DNAH7: variants seen among roughly 807,000 people sequenced by gnomAD.
DNAH7 encodes the protein dynein axonemal heavy chain 7.
A neutral mutation model predicts 444.6 loss-of-function variants in DNAH7; 397 were observed. The ratio of observed to expected loss-of-function variants is 0.89; its 90% CI spans 0.82 to 0.97. DNAH7 has a LOEUF of 0.97. Among genes scored for constraint, DNAH7 ranks in the 50% least tolerant of loss-of-function variants. DNAH7 has a pLI of 0.00. For synonymous variants in DNAH7, 1,636 were observed against 1,624.4 expected (o/e 1.01, Z -0.17); for missense variants, 4,902 against 4,800.8 (o/e 1.02, Z -0.62).
rs760656496 is a variant in DNAH7, at chr2:196,058,106, G to A, written c.26C>T (p.Ala9Val). 6.3e-7 allele frequency: 1 copy of A among 1,586,690 alleles called. No individual in the cohort carries two copies. Among genetic ancestry groups the A allele is most frequent in the Non-Finnish European group, 8.6e-7 (1 of 1,166,644 alleles). Residue 9 changes from alanine to valine, a missense_variant, in exon 2 of 65, where the codon GCC becomes GTC. Transcript: ENST00000312428. ...TGGTTTCTTGGATTTTTCTTTGCTG[G>A]CCGATTTATCCTGTATGAAAAACAT... MSSEQDKS[A>V]SKEKSKKPVR...
At chr2:196,068,348 C>G (rs1698542873) in intron 1 of DNAH7, 1 of 354,400 alleles carries the variant, frequency 2.8e-6, no homozygotes. Flanking sequence ...GCTTCGATTC[C>G]CACCTTAGAA....
At chr2:195,771,333 C>T (rs1345945679) in intron 61 of DNAH7, among the ~76,000 whole-genome samples, 1 of 151,626 alleles carries the variant, frequency 6.6e-6, no homozygotes, top group African/African-American at 2.4e-5. Flanking sequence ...GAGTGAGACC[C>T]CATCTCTAAA....
At position 195,836,273 on chromosome 2, in the gene DNAH7, T is replaced by C. The variant is rs1348522467; in HGVS notation, c.8946-1913A>G. Among the ~76,000 whole-genome samples the C allele has an allele frequency of 3.9e-5, 6 of 152,216 alleles. No homozygotes were observed. In the East Asian group the frequency reaches 1.2e-3, roughly 29 times the overall value. ...GGCTTACGCTTCTAATCCCAGTGCT[T>C]TGGGAGGCTGAGGTGGACAGATCAC... On this transcript the variant is annotated intron_variant, in intron 47 of 64. Coordinates refer to ENST00000312428, the MANE Select transcript of DNAH7 (RefSeq NM_018897.3).
At chr2:195,817,889 T>A in intron 49 of DNAH7, 60 bp from the exon 50 acceptor site, 1 of 1,347,136 alleles carries the variant, frequency 7.4e-7, no homozygotes, top group Non-Finnish European at 1.0e-6. Flanking sequence ...GTCTCTGCTT[T>A]TATGTGTCAA....
rs146233653 is a variant in DNAH7 at position 196,018,885 on chromosome 2, T to C, written c.869+285A>G. On this transcript the variant is annotated intron_variant, in intron 9 of 64. Transcript: ENST00000312428. ...GATGGACACCAAACTTTCCATGGTG[T>C]GATTATTAATCATTGCATGCCTCTA... Among the ~76,000 whole-genome samples, 474 of 152,258 alleles carry C rather than the reference T, an allele frequency of 3.1e-3. 3 individuals carry two copies. The highest frequency in any genetic ancestry group is 0.011 in the African/African-American group (455 of 41,578).
At chr2:195,756,065 A>T (rs1694055102) in intron 62 of DNAH7, 68 bp downstream of exon 62, 1 of 1,488,106 alleles carries the variant, frequency 6.7e-7, no homozygotes, top group Non-Finnish European at 9.1e-7. Flanking sequence ...TCATTACATT[A>T]AGCATTCTGA....
At chr2:195,852,069 T>A (rs985035444) in intron 46 of DNAH7, among the ~76,000 whole-genome samples, 1 of 151,990 alleles carries the variant, frequency 6.6e-6, no homozygotes, top group Non-Finnish European at 1.5e-5. Flanking sequence ...CCATCCTGGC[T>A]AACATGGTGA....
In DNAH7 at chr2:195,875,685, C is replaced by A; in HGVS notation, c.6276G>T (p.Met2092Ile). 6.3e-7 allele frequency: 1 copy of A among 1,584,438 alleles called. No homozygotes were observed. Among genetic ancestry groups the A allele is most frequent in the Non-Finnish European group, 8.6e-7 (1 of 1,166,418 alleles). Residue 2092 changes from methionine to isoleucine, a missense_variant, in exon 38 of 65, where the codon ATG (methionine) becomes ATT (isoleucine). Transcript: ENST00000312428. Reference sequence around the variant, plus strand: ...ACTCAAAAAATGTACCTGGAGGTCCCATAGCACACATGATCTGAATGTCCA... The same window carrying A: ...ACTCAAAAAATGTACCTGGAGGTCCAATAGCACACATGATCTGAATGTCCA... Reference protein sequence around the residue: ...KLVDIQIMCAMGPPGGGRNPV... With the variant: ...KLVDIQIMCAIGPPGGGRNPV...
At chr2:195,783,613 T>C (rs550551038) in intron 58 of DNAH7, among the ~76,000 whole-genome samples, 3 of 152,160 alleles carry the variant, frequency 2.0e-5, no homozygotes, top group South Asian at 4.1e-4. Flanking sequence ...CATTTTAACT[T>C]AACTAGTTAC....
intron 51 of DNAH7, among the ~76,000 whole-genome samples, chr2:195,810,374 C>T (rs1045011431): frequency 2.0e-5 from 3 of 151,942 alleles, no homozygotes; most frequent in South Asian, 2.1e-4. Context: ...AGGCAAAACA[C>T]GAAAATAGGA....
Position 195,809,883 on chromosome 2 carries a change from C to A in DNAH7, c.9762-12G>T. ...TGAGAATCTGAAGCCTAAGGGTCAA[C>A]AGAAAATAAAGGAAATAAATAAAAA... On this transcript the variant is annotated splice_polypyrimidine_tract_variant and intron_variant, in intron 51 of 64. Coordinates refer to ENST00000312428, the MANE Select transcript of DNAH7 (RefSeq NM_018897.3). The A allele has an allele frequency of 2.7e-6, 4 of 1,497,504 alleles. No individual in the cohort carries two copies. The highest frequency in any genetic ancestry group is 2.9e-5 in the South Asian group (2 of 70,064). The allele number at this position is 1,497,504 out of a possible 1,614,324, so 92.8% of individuals were successfully genotyped here.
intron 40 of DNAH7, among the ~76,000 whole-genome samples, chr2:195,869,082 T>A (rs1372428498): frequency 6.6e-6 from 1 of 151,828 alleles, no homozygotes; most frequent in Non-Finnish European, 1.5e-5. Flanking sequence ...ACAGACTATT[T>A]GAATGGTGAG....
At chr2:196,034,621 T>C (rs6761877) in intron 5 of DNAH7, among the ~76,000 whole-genome samples, 8,556 of 152,248 alleles carry the variant, frequency 0.056, 388 homozygotes, top group African/African-American at 0.13. Flanking sequence ...AACTATCTAA[T>C]TTCAAAACTT....
At position 196,000,123 on chromosome 2, in the gene DNAH7, C is replaced by A. The variant is rs551798239; in HGVS notation, c.1353+581G>T. 2.6e-5 allele frequency among the ~76,000 whole-genome samples: 4 copies of A among 152,254 alleles called. No individual in the cohort carries two copies. In the East Asian group the frequency reaches 7.7e-4, roughly 29 times the overall value. On this transcript the variant is annotated intron_variant, in intron 12 of 64. Transcript: ENST00000312428. ...CTAGTTTCCTGCACTCTTCTGTATA[C>A]AGCAAATATGTATAAGTTATTTTAA...
intron 20 of DNAH7, among the ~76,000 whole-genome samples, chr2:195,935,899 T>C (rs1402350060): frequency 6.6e-6 from 1 of 151,934 alleles, no homozygotes; most frequent in East Asian, 1.9e-4. Flanking sequence ...ACCGGGGAAT[T>C]GCAAAAAGGT....
intron 63 of DNAH7, among the ~76,000 whole-genome samples, chr2:195,745,998 A>C (rs1693377833): frequency 6.6e-6 from 1 of 152,244 alleles, no homozygotes; most frequent in South Asian, 2.1e-4. Flanking sequence ...CACACATAAC[A>C]ATATTAACTT....
intron 5 of DNAH7, among the ~76,000 whole-genome samples, chr2:196,028,352 A>G (rs1290630613): frequency 1.3e-5 from 2 of 152,168 alleles, no homozygotes; most frequent in Non-Finnish European, 2.9e-5. Flanking sequence ...CTGAAATTAT[A>G]AAGGAACACT....
intron 9 of DNAH7, among the ~76,000 whole-genome samples, chr2:196,015,352 T>C (rs1694952493): frequency 6.6e-6 from 1 of 152,194 alleles, no homozygotes; most frequent in South Asian, 2.1e-4. Context: ...AAATCAATTA[T>C]AGTGTTCTTA....
chr2:195,962,641 T>G (rs1201393491), intron 17 of DNAH7, among the ~76,000 whole-genome samples: 1 of 152,212 alleles, frequency 6.6e-6, no homozygotes, highest in Non-Finnish European at 1.5e-5. Context: ...TGAGCCACTG[T>G]GCCTGGCCCT....
Sources: gnomAD v4.1 joint callset for allele counts (sites outside exome capture counted in the v4.1 genomes callset) on GRCh38, gnomAD v4.1.1 for gene constraint, MANE v1.5 for transcripts, NCBI Gene and HGNC (gene_info 2026-07-23, HGNC 2026-07-21) for gene names.